The following CRYBA4 variants were observed in gnomAD, a reference collection of about 807,000 sequenced individuals.
CRYBA4 encodes beta-crystallin A4.
Under a neutral mutation model 31.7 loss-of-function variants are expected in CRYBA4, and 30 were observed. The observed-to-expected ratio is 0.95, with a 90% CI of 0.71 to 1.28. The LOEUF (loss-of-function observed/expected upper bound fraction) is 1.28, where lower values mean the gene tolerates loss of function less well. Ranked by LOEUF, CRYBA4 falls within the 50% of genes most tolerant of loss-of-function variation. The probability of loss-of-function intolerance (pLI) is 0.00; values close to 1 mark genes in which losing one functional copy is unlikely to be tolerated. For synonymous variants in CRYBA4, 102 were observed against 102.3 expected (o/e 1.00, Z 0.02); for missense variants, 225 against 260.7 (o/e 0.86, Z 0.94).
At chr22:26,629,080 T>G (rs1929840112) in intron 5 of CRYBA4, among the ~76,000 whole-genome samples, 1 of 152,136 alleles carries the variant, frequency 6.6e-6, no homozygotes, top group Non-Finnish European at 1.5e-5. Flanking sequence ...AGCAACCTGC[T>G]CAAAGTCCAT....
At chr22:26,597,046 G>C in the CRYBA4 span, among the ~76,000 whole-genome samples, 3 of 152,230 alleles carry the variant, frequency 2.0e-5, no homozygotes, top group Non-Finnish European at 2.9e-5. Context: ...CTGGCCAAGA[G>C]TGTTGAGGTG....
the CRYBA4 span, among the ~76,000 whole-genome samples, chr22:26,601,481 C>CA: frequency 6.6e-6 from 1 of 151,794 alleles, no homozygotes; most frequent in South Asian, 2.1e-4. Context: ...TGCAAATTCA[C>CA]TGCTCAGAAC....
At chr22:26,627,426 T>TCTTTC (rs1569211791) in intron 4 of CRYBA4, among the ~76,000 whole-genome samples, 1 of 75,320 alleles carries the variant, frequency 1.3e-5, no homozygotes, top group African/African-American at 1.0e-4. Context: ...CTTTCTTTCT[T>TCTTTC]TTTCTTTCTT....
chr22:26,593,725 C>T, the CRYBA4 span, among the ~76,000 whole-genome samples: 1 of 152,036 alleles, frequency 6.6e-6, no homozygotes, highest in Non-Finnish European at 1.5e-5. Flanking sequence ...GGGATTTCTT[C>T]ATGTTGGCCA....
chr22:26,605,544 C>T, the CRYBA4 span, among the ~76,000 whole-genome samples: 1 of 151,874 alleles, frequency 6.6e-6, no homozygotes, highest in Non-Finnish European at 1.5e-5. Context: ...CGTGGCGGTG[C>T]ACACCTATAA....
intron 3 of CRYBA4, among the ~76,000 whole-genome samples, chr22:26,623,645 G>A (rs1439280500): frequency 1.3e-5 from 2 of 152,046 alleles, no homozygotes; most frequent in Non-Finnish European, 2.9e-5. Flanking sequence ...GCCGTAAATT[G>A]AAAGCCAACA....
chr22:26,590,255 G>A, the CRYBA4 span: 2 of 151,260 alleles, frequency 1.3e-5, no homozygotes, highest in African/African-American at 2.4e-5. Flanking sequence ...GCAGAGGCTG[G>A]TCGGGAAGTT....
the CRYBA4 span, chr22:26,612,000 G>A: frequency 8.9e-7 from 1 of 1,121,044 alleles, no homozygotes; most frequent in Non-Finnish European, 1.4e-6. Context: ...AGATGCTGGA[G>A]AAATGGCAGC....
rs1569213002 is a variant in CRYBA4 at position 26,630,315 on chromosome 22, ACT to A, written c.444-24_444-23del. 4 of 1,613,828 alleles carry A rather than the reference ACT, an allele frequency of 2.5e-6. No individual in the cohort carries two copies. In the Admixed American group the frequency reaches 6.7e-5, roughly 27 times the overall value. On this transcript the variant is annotated intron_variant, in intron 5 of 5. Coordinates refer to ENST00000354760, the MANE Select transcript of CRYBA4 (RefSeq NM_001886.3). ...ACCATGCTGGTGTCTCTGTAGAGTA[ACT>A]GTCTGCCTTTTCTCTTTTCCAGCTG... is the stretch of plus-strand genomic sequence containing the variant.
At chr22:26,616,167 C>T in the CRYBA4 span, 55 of 1,614,052 alleles carry the variant, frequency 3.4e-5, no homozygotes, top group Non-Finnish European at 4.5e-5. Flanking sequence ...GCAGTTCCGC[C>T]GCCTTGGCGC....
At chr22:26,600,184 A>G in the CRYBA4 span, among the ~76,000 whole-genome samples, 4 of 152,120 alleles carry the variant, frequency 2.6e-5, no homozygotes, top group Non-Finnish European at 5.9e-5. Context: ...GGCAAATCAC[A>G]AGGTCAGGAG....
At chr22:26,626,355 G>A (rs1423110126) in intron 4 of CRYBA4, among the ~76,000 whole-genome samples, 2 of 152,212 alleles carry the variant, frequency 1.3e-5, no homozygotes, top group Non-Finnish European at 2.9e-5. Context: ...AGTGAGCCAA[G>A]ATCGCACCAC....
chr22:26,595,268 A>G, the CRYBA4 span, among the ~76,000 whole-genome samples: 1 of 152,278 alleles, frequency 6.6e-6, no homozygotes, highest in African/African-American at 2.4e-5. Context: ...CAGTGATGCT[A>G]ATATGCACAT....
chr22:26,608,994 A>G, the CRYBA4 span, among the ~76,000 whole-genome samples: 13 of 152,172 alleles, frequency 8.5e-5, no homozygotes, highest in African/African-American at 3.1e-4. Context: ...TGTTACAGGG[A>G]CCAGGGATTG....
chr22:26,598,141 C>A, the CRYBA4 span, among the ~76,000 whole-genome samples: 1 of 152,142 alleles, frequency 6.6e-6, no homozygotes, highest in Non-Finnish European at 1.5e-5. Flanking sequence ...CCTCGGCCTC[C>A]CGAAGTGCTG....
upstream of CRYBA4, among the ~76,000 whole-genome samples, chr22:26,620,953 C>T (rs1184339045): frequency 6.6e-6 from 1 of 152,146 alleles, no homozygotes; most frequent in East Asian, 1.9e-4. Flanking sequence ...ACTCAGGTGT[C>T]CTCCAGGTCA....
the CRYBA4 span, among the ~76,000 whole-genome samples, chr22:26,593,463 C>T: frequency 2.6e-5 from 4 of 151,758 alleles, no homozygotes; most frequent in African/African-American, 9.7e-5. Flanking sequence ...CATGGTGAGA[C>T]CTTGTCTCTA....
At chr22:26,618,584 C>T (rs904674555), upstream of CRYBA4, among the ~76,000 whole-genome samples, 4 of 152,198 alleles carry the variant, frequency 2.6e-5, no homozygotes, top group East Asian at 1.9e-4. Context: ...CGTGTTATCT[C>T]GGTCAGTCCC....
intron 5 of CRYBA4, 41 bp downstream of exon 5, chr22:26,628,471 C>T: frequency 1.2e-6 from 2 of 1,611,092 alleles, no homozygotes; most frequent in Non-Finnish European, 8.5e-7. Flanking sequence ...GGAGGGGCTA[C>T]TGGGAGGGGT....
Sources: allele counts gnomAD v4.1 joint callset (sites outside exome capture counted in the v4.1 genomes callset), GRCh38; gene constraint gnomAD v4.1.1; transcripts MANE v1.5; gene names NCBI Gene and HGNC (gene_info 2026-07-23, HGNC 2026-07-21).